The following WHR1 variants were observed in gnomAD, a reference collection of about 807,000 sequenced individuals.
WHR1 encodes winged helix repair factor 1.
the WHR1 span, among the ~76,000 whole-genome samples, chr6:31,975,237 T>C: frequency 6.6e-6 from 1 of 150,548 alleles, no homozygotes; most frequent in Non-Finnish European, 1.5e-5. Context: ...AGTGTCGCTC[T>C]GTTGCCCAGG....
chr6:31,972,433 C>G, the WHR1 span: 1 of 1,613,100 alleles, frequency 6.2e-7, no homozygotes, highest in Non-Finnish European at 8.5e-7. The surrounding 1 kb of genome is among the most constrained non-coding windows in gnomAD (Gnocchi z 6.3). Flanking sequence ...GAGGCATCAC[C>G]TGATCCCGGA....
At chr6:31,971,814 G>C in the WHR1 span, 4 of 1,317,694 alleles carry the variant, frequency 3.0e-6, no homozygotes, top group South Asian at 1.5e-5. The surrounding 1 kb of genome is among the most constrained non-coding windows in gnomAD (Gnocchi z 4.5). Context: ...AGACGCCACC[G>C]CGGCCAAGCT....
chr6:31,972,816 C>T, the WHR1 span: 1 of 1,593,878 alleles, frequency 6.3e-7, no homozygotes, highest in Non-Finnish European at 8.5e-7. This position sits in a 1 kb window ranked among gnomAD's most constrained non-coding sequence, Gnocchi z 6.3. Context: ...AATTCCCTGT[C>T]ACTCAGTCAC....
chr6:31,972,568 A>G, the WHR1 span: 3 of 1,595,260 alleles, frequency 1.9e-6, no homozygotes, highest in Non-Finnish European at 2.6e-6. The surrounding 1 kb of genome is among the most constrained non-coding windows in gnomAD (Gnocchi z 6.3). Flanking sequence ...GAGTTTTGTT[A>G]GAACCGCGTC....
the WHR1 span, chr6:31,979,064 G>A: frequency 6.6e-7 from 1 of 1,517,960 alleles, no homozygotes; most frequent in Non-Finnish European, 9.1e-7. Context: ...AGGGAACTTG[G>A]GAAACAGAAA....
the WHR1 span, chr6:31,972,032 C>T: frequency 5.0e-6 from 8 of 1,609,872 alleles, no homozygotes; most frequent in Non-Finnish European, 6.8e-6. The surrounding 1 kb of genome is among the most constrained non-coding windows in gnomAD (Gnocchi z 6.3). Flanking sequence ...ATGATGCAAT[C>T]ATTCAGCGAC....
At chr6:31,979,373 T>G in the WHR1 span, 1 of 1,608,062 alleles carries the variant, frequency 6.2e-7, no homozygotes, top group Non-Finnish European at 8.5e-7. Context: ...TGGTAGAGAG[T>G]GAGGGTGGGG....
the WHR1 span, among the ~76,000 whole-genome samples, chr6:31,976,798 T>G: frequency 6.6e-6 from 1 of 152,210 alleles, no homozygotes; most frequent in Admixed American, 6.5e-5. Flanking sequence ...TCGCGGCACC[T>G]CCGGAGGCCG....
At chr6:31,976,450 G>A in the WHR1 span, among the ~76,000 whole-genome samples, 18 of 151,322 alleles carry the variant, frequency 1.2e-4, no homozygotes, top group African/African-American at 3.9e-4. Flanking sequence ...CAGACGGGGC[G>A]GCGGGGCAAA....
At chr6:31,979,295 T>C in the WHR1 span, 1 of 1,269,448 alleles carries the variant, frequency 7.9e-7, no homozygotes. Flanking sequence ...AGAAGAAGGG[T>C]ATGAGAGGTG....
chr6:31,971,321 C>T, the WHR1 span: 2 of 1,540,452 alleles, frequency 1.3e-6, no homozygotes, highest in South Asian at 1.3e-5. The surrounding 1 kb of genome is among the most constrained non-coding windows in gnomAD (Gnocchi z 4.5). Flanking sequence ...TTTGCTCACC[C>T]CTCCAACCGG....
chr6:31,972,217 G>T, the WHR1 span: 2 of 1,612,868 alleles, frequency 1.2e-6, no homozygotes, highest in East Asian at 4.5e-5. The surrounding 1 kb of genome is among the most constrained non-coding windows in gnomAD (Gnocchi z 6.3). Flanking sequence ...GGTGATGCTG[G>T]TATGTGCGTC....
chr6:31,981,168 G>A, the WHR1 span: 5 of 280,804 alleles, frequency 1.8e-5, no homozygotes, highest in East Asian at 1.2e-4. Flanking sequence ...GATGAGTGTC[G>A]GGCTCTCGTG....
the WHR1 span, among the ~76,000 whole-genome samples, chr6:31,973,594 A>G: frequency 2.1e-3 from 319 of 152,302 alleles, 3 homozygotes; most frequent in African/African-American, 7.3e-3. Context: ...CGTTTGCCAC[A>G]TATACATAGG....
chr6:31,979,534 T>C, the WHR1 span: 17 of 1,612,840 alleles, frequency 1.1e-5, no homozygotes, highest in Admixed American at 1.7e-5. Flanking sequence ...GACCTTTGGC[T>C]TCAGGGACTC....
the WHR1 span, chr6:31,972,769 C>G: frequency 1.9e-6 from 3 of 1,609,330 alleles, no homozygotes; most frequent in South Asian, 2.2e-5. This position sits in a 1 kb window ranked among gnomAD's most constrained non-coding sequence, Gnocchi z 6.3. Flanking sequence ...TGAGGGGCGT[C>G]GGTGCGACCG....
At chr6:31,976,107 C>T in the WHR1 span, among the ~76,000 whole-genome samples, 10 of 147,428 alleles carry the variant, frequency 6.8e-5, 1 homozygote, top group Middle Eastern at 7.2e-3. Context: ...ACCTCCCTCC[C>T]GGACGGGGCG....
the WHR1 span, among the ~76,000 whole-genome samples, chr6:31,977,074 T>C: frequency 0.073 from 11,164 of 152,260 alleles, 476 homozygotes; most frequent in South Asian, 0.14. Context: ...TGGGGTTTGT[T>C]TTTATTCTCT....
At chr6:31,976,328 G>A in the WHR1 span, among the ~76,000 whole-genome samples, 7 of 151,690 alleles carry the variant, frequency 4.6e-5, no homozygotes, top group African/African-American at 1.2e-4. Context: ...CTTCTCAGAC[G>A]GGGCGGCTGC....
Sources: gnomAD v4.1 joint callset for allele counts (sites outside exome capture counted in the v4.1 genomes callset) on GRCh38, gnomAD v4.1.1 for gene constraint, Gnocchi (gnomAD v3.1) non-coding constraint, MANE v1.5 for transcripts, NCBI Gene and HGNC (gene_info 2026-07-23, HGNC 2026-07-21) for gene names.